Variants in WDHD1 observed in about 807,000 individuals in gnomAD.
WDHD1 encodes WD repeat and HMG-box DNA binding protein 1, also known as WD repeat and HMG-box DNA-binding protein 1.
A neutral mutation model predicts 135.4 loss-of-function variants in WDHD1; 111 were observed. The observed-to-expected ratio is 0.82, with a 90% CI of 0.70 to 0.96. The LOEUF (loss-of-function observed/expected upper bound fraction) is 0.96. Among genes scored for constraint, WDHD1 ranks in the 40% least tolerant of loss-of-function variants. The probability of loss-of-function intolerance (pLI) is 0.00; values close to 1 mark genes in which losing one functional copy is unlikely to be tolerated. For synonymous variants in WDHD1, 434 were observed against 439.0 expected (o/e 0.99, Z 0.14); for missense variants, 1,351 against 1,336.3 (o/e 1.01, Z -0.17).
chr14:54,999,156 A>G (rs2041939499), intron 10 of WDHD1, among the ~76,000 whole-genome samples: 1 of 152,206 alleles, frequency 6.6e-6, no homozygotes, highest in South Asian at 2.1e-4. Flanking sequence ...TGTTCTGGGA[A>G]CCTACTAGAA....
intron 24 of WDHD1, 58 bp from the exon 25 acceptor site, chr14:54,944,528 A>C: frequency 1.4e-6 from 2 of 1,479,112 alleles, no homozygotes; most frequent in African/African-American, 2.9e-5. Flanking sequence ...AAAGTGCCTC[A>C]TGATTTTAAG....
chr14:54,998,186 CAGA>C (rs781413732), intron 10 of WDHD1, among the ~76,000 whole-genome samples: 8 of 149,034 alleles, frequency 5.4e-5, no homozygotes, highest in Non-Finnish European at 8.9e-5. Flanking sequence ...GCCTGGGCAA[CAGA>C]AGGAGACTTT....
chr14:55,002,328 G>A, intron 7 of WDHD1, 143 bp from the exon 8 acceptor site: 1 of 604,308 alleles, frequency 1.7e-6, no homozygotes, highest in South Asian at 2.1e-5. Context: ...AAGAGACGGT[G>A]TCTCACTATG....
intron 24 of WDHD1, among the ~76,000 whole-genome samples, chr14:54,954,113 T>TAA (rs34581857): frequency 6.3e-5 from 9 of 142,190 alleles, no homozygotes; most frequent in African/African-American, 2.3e-4. Flanking sequence ...TAAAAGTATT[T>TAA]AAAAAAAAAA....
At chr14:54,955,769 T>C (rs1375932857) in intron 23 of WDHD1, 75 bp from the exon 24 acceptor site, 9 of 1,237,466 alleles carry the variant, frequency 7.3e-6, no homozygotes, top group Admixed American at 3.3e-5. Flanking sequence ...TTCTGAAAAA[T>C]GTGAAGAAAC....
At chr14:55,005,989 C>G (rs956460013) in intron 7 of WDHD1, among the ~76,000 whole-genome samples, 3 of 152,098 alleles carry the variant, frequency 2.0e-5, no homozygotes, top group African/African-American at 7.2e-5. Context: ...CTCAGTCTCC[C>G]AAGTAGATGG....
chr14:55,017,568 C>G (rs1233852019), intron 2 of WDHD1, among the ~76,000 whole-genome samples: 1 of 152,150 alleles, frequency 6.6e-6, no homozygotes, highest in Non-Finnish European at 1.5e-5. Flanking sequence ...GTCTCGAACT[C>G]TTGACCTCAA....
At chr14:54,982,256 G>A (rs141262964) in intron 15 of WDHD1, among the ~76,000 whole-genome samples, 3,764 of 152,048 alleles carry the variant, frequency 0.025, 67 homozygotes, top group South Asian at 0.04. Context: ...TGATCCACCC[G>A]CCTCAGCCTC....
At position 54,957,625 on chromosome 14, in the gene WDHD1, G is replaced by A. The variant is rs771057475; in HGVS notation, c.2712C>T (p.Thr904=). ...SDVSAKSGAV[T]FSSQGRVNPF... is the part of the protein sequence containing the mutation. ...GATTTACTCGTCCTTGGCTGCTAAA[G>A]GTAACTGCACCTTTCACAAAAAAGA... The change falls in exon 22 of 26, where the codon ACC becomes ACT. Residue 904 remains threonine, a synonymous_variant. Coordinates refer to ENST00000360586, the MANE Select transcript of WDHD1 (RefSeq NM_007086.4). The A allele has an allele frequency of 3.1e-6, 5 of 1,607,774 alleles. 1 individual carries two copies. The highest frequency in any genetic ancestry group is 3.3e-4 in the Middle Eastern group (2 of 6,044).
chr14:54,998,293 C>T (rs2041919397), intron 10 of WDHD1, among the ~76,000 whole-genome samples: 1 of 151,868 alleles, frequency 6.6e-6, no homozygotes, highest in Non-Finnish European at 1.5e-5. Context: ...ATTAGCCCAG[C>T]TAATTTTTGT....
At chr14:54,994,992 T>A (rs1231718775) in intron 11 of WDHD1, among the ~76,000 whole-genome samples, 1 of 152,204 alleles carries the variant, frequency 6.6e-6, no homozygotes, top group African/African-American at 2.4e-5. Flanking sequence ...ATCTTTTCTT[T>A]TCTTTGGAGA....
At chr14:54,965,955 TA>T (rs11338389) in intron 18 of WDHD1, among the ~76,000 whole-genome samples, 7,653 of 129,222 alleles carry the variant, frequency 0.059, 655 homozygotes, top group African/African-American at 0.19. Context: ...AAACTCCGCC[TA>T]AAAAAAAAAA....
intron 14 of WDHD1, 144 bp from the exon 15 acceptor site, chr14:54,985,004 C>T: frequency 6.9e-6 from 7 of 1,018,962 alleles, no homozygotes; most frequent in Non-Finnish European, 1.0e-5. Flanking sequence ...CCAACTGAGG[C>T]ATCATTCAGG....
At chr14:55,026,037 T>C in intron 2 of WDHD1, among the ~76,000 whole-genome samples, 1 of 152,252 alleles carries the variant, frequency 6.6e-6, no homozygotes, top group South Asian at 2.1e-4. Context: ...TTTATTTTTG[T>C]GATTAATTTG....
At chr14:55,018,989 C>A (rs1225964002) in intron 2 of WDHD1, among the ~76,000 whole-genome samples, 1 of 152,196 alleles carries the variant, frequency 6.6e-6, no homozygotes, top group African/African-American at 2.4e-5. Context: ...TGCCATTGCA[C>A]TCCAGCCTGG....
intron 2 of WDHD1, among the ~76,000 whole-genome samples, chr14:55,022,596 C>T (rs372544481): frequency 2.6e-5 from 4 of 151,888 alleles, no homozygotes; most frequent in Admixed American, 6.6e-5. Flanking sequence ...GTAGAAAAAT[C>T]GCTTGAACCC....
At chr14:55,003,975 TTTA>T (rs2042022059) in intron 7 of WDHD1, among the ~76,000 whole-genome samples, 1 of 152,230 alleles carries the variant, frequency 6.6e-6, no homozygotes, top group South Asian at 2.1e-4. Context: ...TTAGCTCTGT[TTTA>T]TTGTTTCAAA....
chr14:55,010,466 A>C lies in WDHD1; in HGVS notation c.190-6T>G. 1 of 1,558,964 alleles carries C rather than the reference A, an allele frequency of 6.4e-7. No individual in the cohort carries two copies. The highest frequency in any genetic ancestry group is 2.3e-5 in the East Asian group (1 of 43,224). On this transcript the variant is annotated splice_region_variant and splice_polypyrimidine_tract_variant and intron_variant, in intron 3 of 25. Transcript: ENST00000360586. ...GCAGTGACCAGTTTTCCACTCTAAA[A>C]GAAAAATTAAGGTAAGAAACATTAG... is the stretch of plus-strand genomic sequence containing the variant.
At chr14:55,004,977 T>C (rs776643538) in intron 7 of WDHD1, 1 of 541,962 alleles carries the variant, frequency 1.8e-6, no homozygotes, top group Non-Finnish European at 3.6e-6. Context: ...AACCTCAGGT[T>C]GAGGAGCACC....
Sources: allele counts gnomAD v4.1 joint callset (sites outside exome capture counted in the v4.1 genomes callset), GRCh38; gene constraint gnomAD v4.1.1; transcripts MANE v1.5; gene names NCBI Gene and HGNC (gene_info 2026-07-23, HGNC 2026-07-21).